The following PCDHGA2 variants were observed in gnomAD, a reference collection of about 807,000 sequenced individuals.
PCDHGA2 encodes protocadherin gamma subfamily A, 2, also known as protocadherin gamma-A2.
Under a neutral mutation model 59.2 loss-of-function variants are expected in PCDHGA2, and 40 were observed. That is an observed-to-expected ratio of 0.68 (90% confidence interval 0.52 to 0.88). PCDHGA2 has a LOEUF of 0.88. PCDHGA2 is among the 40% of genes least tolerant of loss of function. The pLI is 0.00. For synonymous variants in PCDHGA2, 560 were observed against 526.0 expected (o/e 1.06, Z -0.89); for missense variants, 1,226 against 1,204.0 (o/e 1.02, Z -0.27).
intron 1 of PCDHGA2, chr5:141,427,796 C>A: frequency 6.7e-7 from 1 of 1,502,108 alleles, no homozygotes; most frequent in Non-Finnish European, 9.2e-7. Flanking sequence ...CCTACGTGTC[C>A]GTGAGCGCAC....
At chr5:141,398,942 G>A (rs748252181) in intron 1 of PCDHGA2, 2 of 1,613,884 alleles carry the variant, frequency 1.2e-6, no homozygotes, top group South Asian at 1.1e-5. Context: ...CAAGACGAGG[G>A]CATCAACTCA....
chr5:141,503,506 G>A (rs2099820313), intron 2 of PCDHGA2, among the ~76,000 whole-genome samples: 1 of 151,616 alleles, frequency 6.6e-6, no homozygotes, highest in African/African-American at 2.4e-5. Context: ...GGCTGAGGCA[G>A]GAGAATCACT....
intron 1 of PCDHGA2, among the ~76,000 whole-genome samples, chr5:141,426,115 G>A (rs574477590): frequency 4.6e-5 from 7 of 152,364 alleles, no homozygotes; most frequent in South Asian, 2.1e-4. Flanking sequence ...GAAGCAAGTC[G>A]GAGAGTGGCC....
At chr5:141,479,671 G>A (rs1484965995) in intron 1 of PCDHGA2, 1 of 152,196 alleles carries the variant, frequency 6.6e-6, no homozygotes, top group Non-Finnish European at 1.5e-5. Flanking sequence ...AACTACAAAA[G>A]GAGAGTCTTT....
rs2099629540 is a variant in PCDHGA2, at chr5:141,486,436, T to C, written c.2425-8371T>C. 2 of 1,614,188 alleles carry C rather than the reference T, an allele frequency of 1.2e-6. No individual in the cohort carries two copies. The highest frequency in any genetic ancestry group is 1.7e-6 in the Non-Finnish European group (2 of 1,180,020). On this transcript the variant is annotated intron_variant, in intron 1 of 3. Coordinates refer to ENST00000394576, the MANE Select transcript of PCDHGA2 (RefSeq NM_018915.4). This position sits in a 1 kb window ranked among gnomAD's most constrained non-coding sequence, Gnocchi z 5.0. ...TGGATCGAGAGGCCAAATCTAGCTA[T>C]GACATCATGGTCACTGCTTCTGATG... is the stretch of plus-strand genomic sequence containing the variant.
intron 1 of PCDHGA2, chr5:141,400,255 C>A (rs2093990770): frequency 4.3e-6 from 7 of 1,613,928 alleles, no homozygotes; most frequent in Non-Finnish European, 1.7e-6. Context: ...CGTTGCCTTG[C>A]GCCTGCGACG....
intron 1 of PCDHGA2, chr5:141,478,885 A>G (rs2099483148): frequency 8.4e-7 from 1 of 1,193,320 alleles, no homozygotes; most frequent in East Asian, 2.6e-5. Flanking sequence ...GCTTGGTATC[A>G]TTTACATTAG....
intron 1 of PCDHGA2, chr5:141,364,262 C>T (rs899975548): frequency 1.3e-6 from 2 of 1,504,074 alleles, no homozygotes; most frequent in African/African-American, 1.4e-5. Context: ...ATGTACCCAT[C>T]GGCTTTAGAT....
In PCDHGA2 at chr5:141,384,445, G is replaced by A. The variant is rs182497799; in HGVS notation, c.2424+43050G>A. 5.0e-6 allele frequency: 8 copies of A among 1,613,990 alleles called. 1 individual carries two copies. The African/African-American group carries it at 5.3e-5, about 11-fold the overall frequency. ...AAACTCTGACACTGGAGTCCTGTAC[G>A]CGCTGCAATCCTTTGATTATGAGCA... On this transcript the variant is annotated intron_variant, in intron 1 of 3. Transcript: ENST00000394576.
At chr5:141,347,109 TTCCTCCTTCCTTCCTTC>T (rs1325192232) in intron 1 of PCDHGA2, among the ~76,000 whole-genome samples, 1 of 135,622 alleles carries the variant, frequency 7.4e-6, no homozygotes, top group African/African-American at 2.9e-5. Context: ...CTCTCTCTCT[TTCCTCCTTCCTTCCTTC>T]CTCTGTTTCT....
In PCDHGA2 at chr5:141,339,511, G is replaced by C. The variant is rs771845483; in HGVS notation, c.540G>C (p.Leu180=). Residue 180 remains leucine (L), a synonymous_variant, in exon 1 of 4, where the codon CTG becomes CTC. Coordinates refer to ENST00000394576, the MANE Select transcript of PCDHGA2 (RefSeq NM_018915.4). The part of the protein sequence containing the change: ...YALNPNDHFS[L]DVRRGADGNK... ...TCAACCCAAATGACCACTTCTCCCT[G>C]GACGTGCGAAGGGGAGCTGATGGGA... The C allele has an allele frequency of 6.2e-7, 1 of 1,614,142 alleles. No homozygotes were observed. Among genetic ancestry groups the C allele is most frequent in the African/African-American group, 1.3e-5 (1 of 75,020 alleles).
chr5:141,405,391 T>A, intron 1 of PCDHGA2: 1 of 1,595,892 alleles, frequency 6.3e-7, no homozygotes, highest in Non-Finnish European at 8.5e-7. Flanking sequence ...GTTCATTTTT[T>A]TTCTTTCTTT....
intron 1 of PCDHGA2, chr5:141,395,380 T>C (rs1219736482): frequency 9.0e-7 from 1 of 1,112,054 alleles, no homozygotes; most frequent in African/African-American, 1.6e-5. Context: ...GTGGTGTTAC[T>C]ATAAAATTGA....
At position 141,405,317 on chromosome 5, in the gene PCDHGA2, G is replaced by A. The variant is rs1443108777; in HGVS notation, c.2424+63922G>A. ...CAGCCAGCAGAGCTGTGAGAAAAAT[G>A]AGCCTTTGTGCGTCTCTGTTGATTC... On this transcript the variant is annotated intron_variant, in intron 1 of 3. Coordinates refer to ENST00000394576, the MANE Select transcript of PCDHGA2 (RefSeq NM_018915.4). 2.5e-6 allele frequency: 4 copies of A among 1,614,080 alleles called. No individual in the cohort carries two copies. The African/African-American group carries it at 5.3e-5, about 22-fold the overall frequency.
At position 141,487,499 on chromosome 5, in the gene PCDHGA2, G is replaced by C; in HGVS notation, c.2425-7308G>C. 6.2e-7 allele frequency: 1 copy of C among 1,614,152 alleles called. No individual in the cohort carries two copies. The highest frequency in any genetic ancestry group is 1.3e-5 in the African/African-American group (1 of 75,042). ...CCACTCTCATGGCTGTACACCCTTG[G>C]CTTCTGCACCCACTCGGAGTGATAG... On this transcript the variant is annotated intron_variant, in intron 1 of 3. Coordinates refer to ENST00000394576, the MANE Select transcript of PCDHGA2 (RefSeq NM_018915.4). The surrounding 1 kb of genome is among the most constrained non-coding windows in gnomAD (Gnocchi z 5.0).
At chr5:141,410,366 G>A (rs3749767) in intron 1 of PCDHGA2, 379,797 of 1,613,758 alleles carry the variant, frequency 0.24, 48,670 homozygotes, top group African/African-American at 0.5. Context: ...TCTCAGCCCT[G>A]CTACTTGGGA....
At chr5:141,388,952 G>GGAC in intron 1 of PCDHGA2, 1 of 1,614,022 alleles carries the variant, frequency 6.2e-7, no homozygotes, top group Non-Finnish European at 8.5e-7. Flanking sequence ...TAATTATGGA[G>GGAC]GACGCCGAGC....
At chr5:141,457,820 C>CTCAG (rs2098930320) in intron 1 of PCDHGA2, among the ~76,000 whole-genome samples, 1 of 152,198 alleles carries the variant, frequency 6.6e-6, no homozygotes, top group African/African-American at 2.4e-5. Flanking sequence ...CCAAGATAAA[C>CTCAG]TCAGAGCTTC....
chr5:141,432,763 C>T lies in PCDHGA2; in HGVS notation c.2425-62044C>T. The T allele has an allele frequency of 6.2e-7, 1 of 1,614,152 alleles. No homozygotes were observed. The highest frequency in any genetic ancestry group is 8.5e-7 in the Non-Finnish European group (1 of 1,180,004). ...TCACCGTGGCCGTGGCCGACAGCAT[C>T]CCCCAAGTCCTGGCGGACCTCGGCA... On this transcript the variant is annotated intron_variant, in intron 1 of 3. Transcript: ENST00000394576. This position sits in a 1 kb window ranked among gnomAD's most constrained non-coding sequence, Gnocchi z 6.0.
Sources: allele counts gnomAD v4.1 joint callset (sites outside exome capture counted in the v4.1 genomes callset), GRCh38; gene constraint gnomAD v4.1.1; non-coding constraint Gnocchi (gnomAD v3.1); transcripts MANE v1.5; gene names NCBI Gene and HGNC (gene_info 2026-07-23, HGNC 2026-07-21).